HLX: variants seen among roughly 807,000 people sequenced by gnomAD.
The protein encoded by HLX is H2.0 like homeobox.
A neutral mutation model predicts 27.7 loss-of-function variants in HLX; 6 were observed. The ratio of observed to expected loss-of-function variants is 0.22; its 90% CI spans 0.12 to 0.43. The LOEUF (loss-of-function observed/expected upper bound fraction) is 0.43, where lower values mean the gene tolerates loss of function less well. Among genes scored for constraint, HLX ranks in the 20% least tolerant of loss-of-function variants. HLX has a pLI of 1.00. For missense variants in HLX, 666 were observed against 655.2 expected, an observed-to-expected ratio of 1.02 and a Z score of -0.18; for synonymous variants, 328 against 293.8, an observed-to-expected ratio of 1.12 and a Z score of -1.19.
At position 220,879,925 on chromosome 1, in the gene HLX, C is replaced by A; in HGVS notation, c.68C>A (p.Ser23Tyr). Residue 23 changes from serine (S) to tyrosine (Y), a missense_variant, in exon 1 of 4, where the codon TCC becomes TAC. Physicochemically the swap from Ser to Tyr is moderately radical, Grantham distance 144. Transcript: ENST00000366903. ...NFSLWSAAYC[S>Y]SAGPGGCSFP... The stretch of plus-strand genomic sequence containing the variant: ...AGCCTCTGGTCGGCCGCTTACTGCT[C>A]CTCGGCCGGCCCAGGCGGCTGCTCC... 1 of 1,597,368 alleles carries A rather than the reference C, an allele frequency of 6.3e-7. No homozygotes were observed.
At chr1:220,881,167 C>A in intron 1 of HLX, 27 bp from the exon 2 acceptor site, 1 of 1,604,118 alleles carries the variant, frequency 6.2e-7, no homozygotes, top group Non-Finnish European at 8.5e-7. Flanking sequence ...CGAGATGTAA[C>A]CTGCTATCCT....
At chr1:220,883,486 A>T (rs537801696) in intron 3 of HLX, 11 of 152,606 alleles carry the variant, frequency 7.2e-5, no homozygotes, top group African/African-American at 2.6e-4. Flanking sequence ...GCACACATTT[A>T]ATTCCATTGT....
chr1:220,879,461 T>A lies in HLX; in HGVS notation c.-397T>A, dbSNP rs112618703. On this transcript the variant is annotated 5_prime_UTR_variant, in exon 1 of 4. Transcript: ENST00000366903. ...TTTTTCTATTACTTTTCCCCCCCCC[T>A]AACTAACGGACTATTATTGTTGTTG... 8.1e-6 allele frequency: 1 copy of A among 123,588 alleles called. No individual in the cohort carries two copies. The highest frequency in any genetic ancestry group is 2.8e-5 in the African/African-American group (1 of 36,260). The allele number at this position is 123,588 out of a possible 1,614,324, so 7.7% of individuals were successfully genotyped here. A position where few individuals can be genotyped will look rare whatever the true frequency, so the allele number is the denominator to read the frequency against.
At chr1:220,881,995 TAG>T in intron 2 of HLX, 167 bp from the exon 3 acceptor site, 1 of 715,030 alleles carries the variant, frequency 1.4e-6, no homozygotes, top group East Asian at 2.7e-5. Context: ...AATTCCTCCT[TAG>T]AGGGGCCATT....
chr1:220,880,706 A>G (rs1030180110), intron 1 of HLX: 1 of 579,020 alleles, frequency 1.7e-6, no homozygotes, highest in Admixed American at 3.0e-5. Flanking sequence ...TGGTTGGTGT[A>G]ATTATCTGCT....
chr1:220,879,887 C>T lies in HLX; in HGVS notation c.30C>T (p.Tyr10=), dbSNP rs2102640900. 6.3e-7 allele frequency: 1 copy of T among 1,590,770 alleles called. No individual in the cohort carries two copies. Residue 10 remains tyrosine (Y), a synonymous_variant, in exon 1 of 4, where the codon TAC becomes TAT. Transcript: ENST00000366903. ...TCGCAGCCGGGCTGGCTCCCTTCTACGCCTCCAACTTCAGCCTCTGGTCGG... is the reference window on the plus strand; with the variant it reads ...TCGCAGCCGGGCTGGCTCCCTTCTATGCCTCCAACTTCAGCCTCTGGTCGG... MFAAGLAPF[Y]ASNFSLWSAA... is the part of the protein sequence containing the mutation.
In HLX at chr1:220,881,246, C is replaced by T. The variant is rs143406406; in HGVS notation, c.645C>T (p.Gly215=). ...GGRPAGVHLS[G]LQPSAGQFFA... ...GGCCCGCCGGGGTGCACCTCTCAGG[C>T]CTGCAGCCCTCGGCCGGCCAGTTCT... Residue 215 remains glycine (G), a synonymous_variant, in exon 2 of 4, where the codon GGC becomes GGT. Coordinates refer to ENST00000366903, the MANE Select transcript of HLX (RefSeq NM_021958.4). 9 of 1,614,070 alleles carry T rather than the reference C, an allele frequency of 5.6e-6. No individual in the cohort carries two copies. The highest frequency in any genetic ancestry group is 7.6e-6 in the Non-Finnish European group (9 of 1,179,984).
At chr1:220,881,086 T>G (rs1448892676) in intron 1 of HLX, 108 bp from the exon 2 acceptor site, 2 of 1,030,260 alleles carry the variant, frequency 1.9e-6, no homozygotes, top group Non-Finnish European at 2.9e-6. Flanking sequence ...CTCTCTTGAC[T>G]TCGCTCAATA....
chr1:220,880,454 G>A lies in HLX; in HGVS notation c.592+5G>A, dbSNP rs763173409. The A allele has an allele frequency of 6.2e-7, 1 of 1,613,374 alleles. No individual in the cohort carries two copies. Among genetic ancestry groups the A allele is most frequent in the Admixed American group, 1.7e-5 (1 of 60,034 alleles). ...AAGAAGGCAACACGCTGAGAGGTAG[G>A]TCTTGGGCGGGAGGCTGCAGGCCTC... On this transcript the variant is annotated splice_donor_5th_base_variant and intron_variant, in intron 1 of 3. Transcript: ENST00000366903.
In HLX at chr1:220,884,761, G is replaced by A. The variant is rs1168931963; in HGVS notation, c.*57G>A. 3 of 1,583,166 alleles carry A rather than the reference G, an allele frequency of 1.9e-6. No homozygotes were observed. The highest frequency in any genetic ancestry group is 4.5e-5 in the East Asian group (2 of 44,352). On this transcript the variant is annotated 3_prime_UTR_variant, in exon 4 of 4. Coordinates refer to ENST00000366903, the MANE Select transcript of HLX (RefSeq NM_021958.4). The surrounding 1 kb of genome is among the most constrained non-coding windows in gnomAD (Gnocchi z 4.9). The stretch of plus-strand genomic sequence containing the variant: ...GCGTGCAGCCTCCCAACCATGGGCT[G>A]GGTTTTGTGCTTACTGTATGTTGGC...
At chr1:220,880,617 A>C (rs1674406081) in intron 1 of HLX, 168 bp downstream of exon 1, 7 of 708,564 alleles carry the variant, frequency 9.9e-6, no homozygotes, top group African/African-American at 1.8e-5. Flanking sequence ...TCTAAAACTC[A>C]CCTGTTCTAT....
intron 3 of HLX, chr1:220,883,911 C>T: frequency 4.0e-6 from 2 of 506,060 alleles, no homozygotes; most frequent in Non-Finnish European, 7.1e-6. Context: ...AGGAATCTGC[C>T]TTTCCAACAG....
At chr1:220,882,440 GCCT>G in intron 3 of HLX, 92 bp downstream of exon 3, 1 of 1,178,608 alleles carries the variant, frequency 8.5e-7, no homozygotes, top group Non-Finnish European at 1.2e-6. Context: ...CGGCCGACTG[GCCT>G]CCTGCGGTGC....
At chr1:220,881,826 T>A in intron 2 of HLX, 1 of 406,714 alleles carries the variant, frequency 2.5e-6, no homozygotes. Context: ...GATAATTCAA[T>A]TCAGGGCTGT....
In HLX at chr1:220,884,089, C is replaced by A; in HGVS notation, c.958-106C>A. 8.3e-7 allele frequency: 1 copy of A among 1,205,602 alleles called. No individual in the cohort carries two copies. The highest frequency in any genetic ancestry group is 1.2e-6 in the Non-Finnish European group (1 of 823,606). The allele number at this position is 1,205,602 out of a possible 1,614,324, so 74.7% of individuals were successfully genotyped here. A position where few individuals can be genotyped will look rare whatever the true frequency, so the allele number is the denominator to read the frequency against. ...TGGTAGAGTCGCCAAGTAAGCGTTG[C>A]TTTTTCACTCAGGGAGGTGGCTTGA... On this transcript the variant is annotated intron_variant, in intron 3 of 3. Transcript: ENST00000366903. This position sits in a 1 kb window ranked among gnomAD's most constrained non-coding sequence, Gnocchi z 4.9.
In HLX at chr1:220,884,751, A is replaced by G. The variant is rs1674533701; in HGVS notation, c.*47A>G. On this transcript the variant is annotated 3_prime_UTR_variant, in exon 4 of 4. Coordinates refer to ENST00000366903, the MANE Select transcript of HLX (RefSeq NM_021958.4). This position sits in a 1 kb window ranked among gnomAD's most constrained non-coding sequence, Gnocchi z 4.9. ...TCCGGGCCTTGCGTGCAGCCTCCCAACCATGGGCTGGGTTTTGTGCTTACT... is the reference window on the plus strand; with the variant it reads ...TCCGGGCCTTGCGTGCAGCCTCCCAGCCATGGGCTGGGTTTTGTGCTTACT... The G allele has an allele frequency of 1.4e-5, 23 of 1,591,876 alleles. No individual in the cohort carries two copies. Among genetic ancestry groups the G allele is most frequent in the Non-Finnish European group, 1.8e-5 (21 of 1,174,950 alleles).
chr1:220,879,819 C>G lies in HLX; in HGVS notation c.-39C>G. On this transcript the variant is annotated 5_prime_UTR_variant, in exon 1 of 4. Transcript: ENST00000366903. Reference sequence around the variant, plus strand: ...TCCCCGCGCGCCCACCCACCCAGTCCGGCTGGACTGCGGCAGCCGCGCGGC... The same window carrying G: ...TCCCCGCGCGCCCACCCACCCAGTCGGGCTGGACTGCGGCAGCCGCGCGGC... 6.5e-7 allele frequency: 1 copy of G among 1,535,626 alleles called. No homozygotes were observed. The highest frequency in any genetic ancestry group is 8.7e-7 in the Non-Finnish European group (1 of 1,147,916).
chr1:220,880,955 T>G, intron 1 of HLX: 2 of 517,774 alleles, frequency 3.9e-6, no homozygotes, highest in Non-Finnish European at 7.0e-6. Flanking sequence ...CGTAAGCCGA[T>G]TTATGTAAAG....
chr1:220,879,852 G>T lies in HLX; in HGVS notation c.-6G>T, dbSNP rs528225208. On this transcript the variant is annotated 5_prime_UTR_variant, in exon 1 of 4. Coordinates refer to ENST00000366903, the MANE Select transcript of HLX (RefSeq NM_021958.4). Reference sequence around the variant, plus strand: ...CTGCGGCAGCCGCGCGGCTCACCCCGGCAGGATGTTCGCAGCCGGGCTGGC... The same window carrying T: ...CTGCGGCAGCCGCGCGGCTCACCCCTGCAGGATGTTCGCAGCCGGGCTGGC... The T allele has an allele frequency of 2.5e-6, 4 of 1,570,084 alleles. No individual in the cohort carries two copies. The highest frequency in any genetic ancestry group is 3.4e-6 in the Non-Finnish European group (4 of 1,165,866).
Sources: allele counts gnomAD v4.1 joint callset, GRCh38; gene constraint gnomAD v4.1.1; non-coding constraint Gnocchi (gnomAD v3.1); transcripts MANE v1.5; gene names NCBI Gene and HGNC (gene_info 2026-07-23, HGNC 2026-07-21).